Variants in SORCS2 observed in about 807,000 individuals in gnomAD.
SORCS2 encodes VPS10 domain-containing receptor SorCS2.
SORCS2 carries 100 observed loss-of-function variants against 141.6 expected under a neutral mutation model. The ratio of observed to expected loss-of-function variants is 0.71; its 90% CI spans 0.60 to 0.83. The LOEUF is 0.83. Among genes scored for constraint, SORCS2 ranks in the 40% least tolerant of loss-of-function variants. The probability of loss-of-function intolerance (pLI) is 0.00; values close to 1 mark genes in which losing one functional copy is unlikely to be tolerated. For synonymous variants in SORCS2, 789 were observed against 676.9 expected (o/e 1.17, Z -2.57); for missense variants, 1,646 against 1,560.2 (o/e 1.05, Z -0.93).
At chr4:7,542,350 C>A (rs980968093) in intron 3 of SORCS2, among the ~76,000 whole-genome samples, 8 of 152,158 alleles carry the variant, frequency 5.3e-5, no homozygotes, top group Non-Finnish European at 1.2e-4. Context: ...GTCTTTGCAG[C>A]TGTAATCGAG....
chr4:7,639,526 TG>T (rs1358034794), intron 4 of SORCS2, among the ~76,000 whole-genome samples: 1 of 76,074 alleles, frequency 1.3e-5, no homozygotes, highest in Non-Finnish European at 3.1e-5. Flanking sequence ...GTTTGTGGGA[TG>T]TGGGGGGGTG....
At chr4:7,576,313 G>C (rs183666999) in intron 3 of SORCS2, among the ~76,000 whole-genome samples, 4 of 152,322 alleles carry the variant, frequency 2.6e-5, no homozygotes, top group African/African-American at 4.8e-5. Flanking sequence ...ATGAGCAATT[G>C]CATCCTAAAG....
At chr4:7,395,551 TAC>T (rs1341115477) in intron 1 of SORCS2, among the ~76,000 whole-genome samples, 1 of 152,232 alleles carries the variant, frequency 6.6e-6, no homozygotes, top group Non-Finnish European at 1.5e-5. Context: ...TTTTTTTGTT[TAC>T]ACAGTTATTT....
chr4:7,509,520 C>T (rs2109457353), intron 2 of SORCS2, among the ~76,000 whole-genome samples: 1 of 152,262 alleles, frequency 6.6e-6, no homozygotes, highest in South Asian at 2.1e-4. Flanking sequence ...TCCATACTCA[C>T]CCGCACTCGC....
chr4:7,482,841 G>T (rs62277655), intron 2 of SORCS2, among the ~76,000 whole-genome samples: 11,649 of 149,166 alleles, frequency 0.078, 303 homozygotes, highest in African/African-American at 0.11. Context: ...CTGCTGTTCA[G>T]ACCTGTATCC....
intron 2 of SORCS2, among the ~76,000 whole-genome samples, chr4:7,511,775 G>A (rs1732669998): frequency 1.3e-5 from 2 of 152,198 alleles, no homozygotes; most frequent in South Asian, 4.1e-4. Flanking sequence ...CAGCCCGTCA[G>A]CTGTCTGCTG....
intron 1 of SORCS2, among the ~76,000 whole-genome samples, chr4:7,282,934 C>A (rs1715974443): frequency 1.3e-5 from 2 of 152,228 alleles, no homozygotes; most frequent in African/African-American, 4.8e-5. Context: ...AGAATTTACT[C>A]ATTCACTGAT....
At chr4:7,219,887 A>C (rs137971719) in intron 1 of SORCS2, among the ~76,000 whole-genome samples, 199 of 152,326 alleles carry the variant, frequency 1.3e-3, no homozygotes, top group Non-Finnish European at 2.4e-3. Flanking sequence ...GCACTGTGAG[A>C]GCCTCACACT....
At chr4:7,602,656 G>A (rs961427040) in intron 3 of SORCS2, among the ~76,000 whole-genome samples, 7 of 149,064 alleles carry the variant, frequency 4.7e-5, no homozygotes, top group Non-Finnish European at 1.0e-4. Flanking sequence ...CCGGGAAGAG[G>A]CACTCCTCAC....
At chr4:7,493,732 G>T (rs952822696) in intron 2 of SORCS2, among the ~76,000 whole-genome samples, 1 of 152,198 alleles carries the variant, frequency 6.6e-6, no homozygotes, top group African/African-American at 2.4e-5. Flanking sequence ...AACACGCGGA[G>T]CCATGTCAGG....
Position 7,528,402 on chromosome 4 carries a change from GTT to G in SORCS2, c.549-3118_549-3117del, listed in dbSNP as rs35199702. On this transcript the variant is annotated intron_variant, in intron 2 of 26. Coordinates refer to ENST00000507866, the MANE Select transcript of SORCS2 (RefSeq NM_020777.3). ...CTTCCTAGGCACTGGCAGCTGCTAC[GTT>G]TTTTTTTTTGTTGTTGTTTTTTGTT... Among the ~76,000 whole-genome samples, 15 of 147,648 alleles carry G rather than the reference GTT, an allele frequency of 1.0e-4. 1 individual carries two copies. Among genetic ancestry groups the G allele is most frequent in the South Asian group, 2.1e-4 (1 of 4,652 alleles).
chr4:7,420,444 C>T (rs1180619103), intron 2 of SORCS2, among the ~76,000 whole-genome samples: 2 of 152,182 alleles, frequency 1.3e-5, no homozygotes, highest in Admixed American at 6.5e-5. Context: ...AGCTGAGACT[C>T]AGAGAGTGTC....
At chr4:7,362,227 C>T (rs1216085415) in intron 1 of SORCS2, among the ~76,000 whole-genome samples, 1 of 152,122 alleles carries the variant, frequency 6.6e-6, no homozygotes, top group Non-Finnish European at 1.5e-5. Flanking sequence ...CGCCAGTCGT[C>T]CTCTGAATGC....
intron 22 of SORCS2, among the ~76,000 whole-genome samples, chr4:7,728,919 T>C (rs1399424740): frequency 3.3e-5 from 5 of 152,180 alleles, no homozygotes; most frequent in African/African-American, 1.2e-4. Context: ...CCCAAGGCCC[T>C]TGGCCCCCAA....
intron 1 of SORCS2, among the ~76,000 whole-genome samples, chr4:7,326,293 C>T (rs1423861208): frequency 6.6e-6 from 1 of 152,054 alleles, no homozygotes; most frequent in Non-Finnish European, 1.5e-5. Flanking sequence ...TTACAGAGTC[C>T]TTGAGTCCAC....
intron 2 of SORCS2, among the ~76,000 whole-genome samples, chr4:7,488,831 A>T (rs1731147339): frequency 6.6e-6 from 1 of 152,234 alleles, no homozygotes; most frequent in Admixed American, 6.5e-5. Flanking sequence ...CTTGCATCTT[A>T]AATTCGTTTA....
chr4:7,328,929 C>G (rs1297414630), intron 1 of SORCS2, among the ~76,000 whole-genome samples: 4 of 152,218 alleles, frequency 2.6e-5, no homozygotes, highest in African/African-American at 9.7e-5. Flanking sequence ...GACTGGGCTC[C>G]TGAGTCCCAA....
chr4:7,478,889 G>C (rs1730460623), intron 2 of SORCS2, among the ~76,000 whole-genome samples: 1 of 152,214 alleles, frequency 6.6e-6, no homozygotes, highest in South Asian at 2.1e-4. Flanking sequence ...TGTGTTGGCA[G>C]GGGGCCTCGG....
intron 1 of SORCS2, among the ~76,000 whole-genome samples, chr4:7,256,226 T>C (rs1228387636): frequency 6.6e-6 from 1 of 152,066 alleles, no homozygotes; most frequent in Non-Finnish European, 1.5e-5. Context: ...GGTGAGCACA[T>C]GCCCGCTCAG....
Sources: allele counts gnomAD v4.1 joint callset (sites outside exome capture counted in the v4.1 genomes callset), GRCh38; gene constraint gnomAD v4.1.1; transcripts MANE v1.5; gene names NCBI Gene and HGNC (gene_info 2026-07-23, HGNC 2026-07-21).